Variants in PCM1 observed in about 807,000 individuals in gnomAD.
PCM1 encodes the protein pericentriolar material 1.
PCM1 carries 157 observed loss-of-function variants against 241.9 expected under a neutral mutation model. The observed-to-expected ratio is 0.65, with a 90% CI of 0.57 to 0.74. The LOEUF (loss-of-function observed/expected upper bound fraction) is 0.74, where lower values mean the gene tolerates loss of function less well. Ranked by LOEUF, PCM1 falls within the 30% of genes least tolerant of loss-of-function variation. The pLI is 0.00. For synonymous variants in PCM1, 1,085 were observed against 784.9 expected, an observed-to-expected ratio of 1.38 and a Z score of -6.39; for missense variants, 3,478 against 2,360.1, an observed-to-expected ratio of 1.47 and a Z score of -9.81.
At position 17,993,530 on chromosome 8, in the gene PCM1, G is replaced by T. The variant is rs2085528357; in HGVS notation, c.4738G>T (p.Val1580Phe). The change falls in exon 29 of 39, where the codon GTT (valine) becomes TTT (phenylalanine). Residue 1580 changes from valine to phenylalanine, a missense_variant. By Grantham distance (50) the Val-to-Phe change is conservative. Transcript: ENST00000325083. Reference protein sequence around the residue: ...NRSSQQPVSEVSTIPCPRIDT... With the variant: ...NRSSQQPVSEFSTIPCPRIDT... ...TAGTTCACAACAACCTGTAAGTGAA[G>T]TTTCTACCATCCCATGTCCTAGAAT... The T allele has an allele frequency of 6.3e-7, 1 of 1,590,454 alleles. No individual in the cohort carries two copies. The highest frequency in any genetic ancestry group is 8.6e-7 in the Non-Finnish European group (1 of 1,168,026).
At position 18,013,416 on chromosome 8, in the gene PCM1, T is replaced by TA. The variant is rs199948855; in HGVS notation, c.5512-546dup. 2.9e-3 allele frequency among the ~76,000 whole-genome samples: 441 copies of TA among 152,318 alleles called. 2 individuals are homozygous for TA. Among genetic ancestry groups the TA allele is most frequent in the African/African-American group, 0.01 (421 of 41,568 alleles). On this transcript the variant is annotated intron_variant, in intron 34 of 38. Transcript: ENST00000325083. The stretch of plus-strand genomic sequence containing the variant: ...GCCCCAGGTTTGGGGCTCACTAGTT[T>TA]AATTTCTCTAAAATATAATCTGCCA...
At chr8:18,021,807 A>AC (rs2093776124) in intron 36 of PCM1, among the ~76,000 whole-genome samples, 1 of 152,132 alleles carries the variant, frequency 6.6e-6, no homozygotes. Flanking sequence ...CACAAATTTG[A>AC]CCCCTTATGA....
intron 6 of PCM1, among the ~76,000 whole-genome samples, chr8:17,941,434 C>G (rs2062000625): frequency 6.6e-6 from 1 of 151,692 alleles, no homozygotes; most frequent in Non-Finnish European, 1.5e-5. Flanking sequence ...GGATGTGGTA[C>G]TTGCTTAGTT....
At chr8:18,004,281 T>A (rs187500863) in intron 29 of PCM1, among the ~76,000 whole-genome samples, 212 of 152,326 alleles carry the variant, frequency 1.4e-3, no homozygotes, top group African/African-American at 4.8e-3. Flanking sequence ...TTACATTTTT[T>A]AAAGTGATTT....
chr8:17,991,452 G>A, intron 27 of PCM1, 90 bp from the exon 28 acceptor site: 2 of 1,127,994 alleles, frequency 1.8e-6, no homozygotes, highest in Non-Finnish European at 2.5e-6. Flanking sequence ...CCTCCCTTTT[G>A]TTTGGACATT....
At chr8:17,932,847 A>G (rs961094785) in intron 2 of PCM1, among the ~76,000 whole-genome samples, 11 of 152,206 alleles carry the variant, frequency 7.2e-5, no homozygotes, top group African/African-American at 2.2e-4. Flanking sequence ...ATAGTATGAT[A>G]TAAGGCAGCC....
In PCM1 at chr8:17,950,682, T is replaced by C. The variant is rs1337414875; in HGVS notation, c.1029T>C (p.Asn343=). ...CATCTGAACTAAATGAAGAATTGAATGACTTAATTCAGCGTTTTCATAATC... is the reference window on the plus strand; with the variant it reads ...CATCTGAACTAAATGAAGAATTGAACGACTTAATTCAGCGTTTTCATAATC... ...SITSELNEEL[N]DLIQRFHNQL... Residue 343 remains asparagine, a synonymous_variant, in exon 8 of 39, where the codon AAT becomes AAC. Coordinates refer to ENST00000325083, the MANE Select transcript of PCM1 (RefSeq NM_006197.4). 6.2e-7 allele frequency: 1 copy of C among 1,604,000 alleles called. No individual in the cohort carries two copies. Among genetic ancestry groups the C allele is most frequent in the Non-Finnish European group, 8.5e-7 (1 of 1,174,096 alleles).
chr8:17,938,957 G>A lies in PCM1; in HGVS notation c.560G>A (p.Cys187Tyr). ...TTAAGTAATGACCTCTTGCAAAACT[G>A]TCAGGTGTCTGAAGAAGATGGGAGG... The part of the protein sequence containing the change: ...SALSNDLLQN[C>Y]QVSEEDGRGE... The change falls in exon 5 of 39, where the codon TGT (cysteine) becomes TAT (tyrosine). Residue 187 changes from cysteine (C) to tyrosine (Y), a missense_variant. Physicochemically the swap from Cys to Tyr is radical, Grantham distance 194. Coordinates refer to ENST00000325083, the MANE Select transcript of PCM1 (RefSeq NM_006197.4). 1 of 1,613,770 alleles carries A rather than the reference G, an allele frequency of 6.2e-7. No individual in the cohort carries two copies. The highest frequency in any genetic ancestry group is 8.5e-7 in the Non-Finnish European group (1 of 1,179,676).
chr8:17,932,102 C>G (rs1252846250), intron 2 of PCM1, among the ~76,000 whole-genome samples: 3 of 152,010 alleles, frequency 2.0e-5, no homozygotes, highest in Non-Finnish European at 2.9e-5. Flanking sequence ...GTTATATTGT[C>G]CAGGCTTCAT....
Position 17,991,608 on chromosome 8 carries a change from A to C in PCM1, c.4598A>C (p.Glu1533Ala). The C allele has an allele frequency of 6.3e-7, 1 of 1,590,766 alleles. No individual in the cohort carries two copies. Among genetic ancestry groups the C allele is most frequent in the South Asian group, 1.1e-5 (1 of 87,170 alleles). The part of the protein sequence containing the change: ...RMREYERMKT[E>A]AESNSNMRCT... ...AGAGAATATGAGCGTATGAAGACTGAGGCTGAAAGTAACTCAAATATGAGA... is the reference window on the plus strand; with the variant it reads ...AGAGAATATGAGCGTATGAAGACTGCGGCTGAAAGTAACTCAAATATGAGA... The change falls in exon 28 of 39, where the codon GAG becomes GCG. Residue 1533 changes from glutamate (E) to alanine (A), a missense_variant. By Grantham distance (107) the Glu-to-Ala change is moderately radical. Transcript: ENST00000325083.
intron 15 of PCM1, 24 bp from the exon 16 acceptor site, chr8:17,962,010 C>G (rs373496838): frequency 6.3e-7 from 1 of 1,590,708 alleles, no homozygotes; most frequent in Non-Finnish European, 8.6e-7. Context: ...TTCCTCATAA[C>G]GTTTTTTGTG....
intron 10 of PCM1, chr8:17,955,980 C>A (rs1321887829): frequency 5.5e-6 from 2 of 363,324 alleles, no homozygotes; most frequent in East Asian, 6.8e-5. Context: ...AATTGTATCA[C>A]ACAAGGCTGT....
At chr8:17,994,506 T>C (rs1347276459) in intron 29 of PCM1, among the ~76,000 whole-genome samples, 4 of 152,238 alleles carry the variant, frequency 2.6e-5, no homozygotes, top group African/African-American at 9.6e-5. Context: ...AGTGTGCAGA[T>C]AGCCCTTTAA....
At chr8:17,947,387 C>G in intron 7 of PCM1, 24 bp downstream of exon 7, 3 of 1,512,048 alleles carry the variant, frequency 2.0e-6, no homozygotes, top group South Asian at 1.3e-5. Context: ...TGAGAATATT[C>G]TTTTTGTAAG....
chr8:18,009,553 C>G lies in PCM1; in HGVS notation c.4969C>G (p.Leu1657Val). Residue 1657 changes from leucine (L) to valine (V), a missense_variant, in exon 31 of 39, where the codon CTG becomes GTG. Leu to Val is a conservative substitution (Grantham distance 32). Coordinates refer to ENST00000325083, the MANE Select transcript of PCM1 (RefSeq NM_006197.4). ...KQLGSILQDS[L>V]AKFAGRKLKD... ...TTGGTTTATCTTTGAATAGGATTCA[C>G]TGGCAAAATTTGCTGGCAGAAAACT... The G allele has an allele frequency of 6.3e-7, 1 of 1,593,062 alleles. No individual in the cohort carries two copies. Among genetic ancestry groups the G allele is most frequent in the Non-Finnish European group, 8.6e-7 (1 of 1,168,214 alleles).
intron 36 of PCM1, chr8:18,015,671 A>C (rs980386040): frequency 6.6e-6 from 1 of 151,846 alleles, no homozygotes; most frequent in African/African-American, 2.4e-5. Context: ...TTCTTACTCA[A>C]ATAAACTGTA....
chr8:17,941,460 C>G (rs577354379), intron 6 of PCM1, among the ~76,000 whole-genome samples: 1 of 151,118 alleles, frequency 6.6e-6, no homozygotes, highest in Admixed American at 6.6e-5. Flanking sequence ...AAGCAACAGT[C>G]TAGTCTACAG....
chr8:18,024,937 A>G (rs2094063183), intron 36 of PCM1: 1 of 153,588 alleles, frequency 6.5e-6, no homozygotes, highest in African/African-American at 2.4e-5. Flanking sequence ...ATCACAAAAG[A>G]CAGTTACTAA....
At chr8:18,023,712 A>G (rs1001022253) in intron 36 of PCM1, among the ~76,000 whole-genome samples, 1 of 152,168 alleles carries the variant, frequency 6.6e-6, no homozygotes, top group South Asian at 2.1e-4. Flanking sequence ...AGGGATCTTT[A>G]AGTTCTTGCT....
Sources: allele counts gnomAD v4.1 joint callset (sites outside exome capture counted in the v4.1 genomes callset), GRCh38; gene constraint gnomAD v4.1.1; transcripts MANE v1.5; gene names NCBI Gene and HGNC (gene_info 2026-07-23, HGNC 2026-07-21).